Variants in RPH3A observed in about 807,000 individuals in gnomAD.
RPH3A encodes the protein rabphilin-3A.
A neutral mutation model predicts 102.2 loss-of-function variants in RPH3A; 48 were observed. The ratio of observed to expected loss-of-function variants is 0.47; its 90% confidence interval spans 0.37 to 0.60. RPH3A has a LOEUF of 0.60. Ranked by LOEUF, RPH3A falls within the 20% of genes least tolerant of loss-of-function variation. The probability of loss-of-function intolerance (pLI) is 0.00; values close to 1 mark genes in which losing one functional copy is unlikely to be tolerated. For synonymous variants in RPH3A, 310 were observed against 324.3 expected (o/e 0.96, Z 0.47); for missense variants, 781 against 910.1 (o/e 0.86, Z 1.83).
At chr12:112,756,164 T>C (rs1468400973) in intron 1 of RPH3A, among the ~76,000 whole-genome samples, 1 of 152,066 alleles carries the variant, frequency 6.6e-6, no homozygotes, top group Non-Finnish European at 1.5e-5. Flanking sequence ...TTACCCCTAT[T>C]TGGTCATTAC....
At position 112,876,555 on chromosome 12, in the gene RPH3A, A is replaced by G. The variant is rs1448879490; in HGVS notation, c.947-87A>G. 4.2e-6 allele frequency: 4 copies of G among 951,728 alleles called. No homozygotes were observed. In the African/African-American group the frequency reaches 6.7e-5, roughly 16 times the overall value. The allele number at this position is 951,728 out of a possible 1,614,324, so 59.0% of individuals were successfully genotyped here. A position where few individuals can be genotyped will look rare whatever the true frequency, so the allele number is the denominator to read the frequency against. On this transcript the variant is annotated intron_variant, in intron 12 of 21. Coordinates refer to ENST00000389385, the MANE Select transcript of RPH3A (RefSeq NM_001143854.2). The stretch of plus-strand genomic sequence containing the variant: ...TCCACTGATTCCGGGTGAAGCCAGG[A>G]ATCCGCATCTTTTGAAAATGTCCCT...
intron 17 of RPH3A, 30 bp from the exon 18 acceptor site, chr12:112,889,994 G>A (rs762254563): frequency 3.1e-6 from 5 of 1,607,914 alleles, no homozygotes; most frequent in Middle Eastern, 3.3e-4. Context: ...CATAGACAAT[G>A]TTATCTTTTA....
chr12:112,603,136 C>A (rs2039570644), intron 1 of RPH3A, among the ~76,000 whole-genome samples: 1 of 152,158 alleles, frequency 6.6e-6, no homozygotes, highest in Non-Finnish European at 1.5e-5. Flanking sequence ...GATTAGGATG[C>A]TCCTTTCCCC....
chr12:112,617,550 C>T (rs1443032524), intron 1 of RPH3A, among the ~76,000 whole-genome samples: 1 of 152,220 alleles, frequency 6.6e-6, no homozygotes, highest in African/African-American at 2.4e-5. Context: ...AAGTGAACAG[C>T]TGCTGTCCTC....
intron 2 of RPH3A, among the ~76,000 whole-genome samples, chr12:112,803,327 G>C (rs1258188689): frequency 2.0e-5 from 3 of 152,014 alleles, no homozygotes; most frequent in Admixed American, 6.5e-5. Context: ...CTCCCAGATG[G>C]AGAGAGGGAG....
At chr12:112,851,303 C>G (rs1193584566) in intron 5 of RPH3A, among the ~76,000 whole-genome samples, 1 of 152,110 alleles carries the variant, frequency 6.6e-6, no homozygotes. Flanking sequence ...GGCTGACTCT[C>G]GGAACTATGC....
intron 4 of RPH3A, among the ~76,000 whole-genome samples, chr12:112,842,353 T>C (rs1287080545): frequency 3.3e-5 from 5 of 152,230 alleles, no homozygotes; most frequent in Admixed American, 6.5e-5. Flanking sequence ...ACACTTTATA[T>C]ACATGGTCTA....
chr12:112,849,503 G>A (rs1029033197), intron 5 of RPH3A, among the ~76,000 whole-genome samples: 1 of 152,062 alleles, frequency 6.6e-6, no homozygotes, highest in African/African-American at 2.4e-5. Flanking sequence ...GGAAAGATAT[G>A]TATGTTAAAG....
At chr12:112,721,939 G>T (rs76933207) in intron 1 of RPH3A, among the ~76,000 whole-genome samples, 4,213 of 152,286 alleles carry the variant, frequency 0.028, 85 homozygotes, top group Non-Finnish European at 0.043. Flanking sequence ...AAGTAGAATA[G>T]AAATGGATTT....
chr12:112,868,648 G>T, intron 8 of RPH3A, 53 bp downstream of exon 8: 1 of 1,571,000 alleles, frequency 6.4e-7, no homozygotes, highest in South Asian at 1.2e-5. Context: ...TTAGCCAACT[G>T]GTCTACCTGA....
rs73427086 is a variant in RPH3A, at chr12:112,851,376, T to C, written c.230+3534T>C. On this transcript the variant is annotated intron_variant, in intron 5 of 21. Coordinates refer to ENST00000389385, the MANE Select transcript of RPH3A (RefSeq NM_001143854.2). ...GCAAATTCCTAGGCTCTGTAGAACA[T>C]GGAAATTTTAATTACTCAGGTTTGG... Among the ~76,000 whole-genome samples the C allele has an allele frequency of 4.8e-3, 724 of 152,258 alleles. 5 individuals are homozygous for C. The highest frequency in any genetic ancestry group is 0.017 in the African/African-American group (708 of 41,544).
chr12:112,753,928 G>T (rs1347448425), intron 1 of RPH3A, among the ~76,000 whole-genome samples: 1 of 152,186 alleles, frequency 6.6e-6, no homozygotes, highest in Non-Finnish European at 1.5e-5. Flanking sequence ...AGAGGCAGGA[G>T]GGTCAGAGTT....
At chr12:112,614,717 A>AG (rs1555278315) in intron 1 of RPH3A, among the ~76,000 whole-genome samples, 3 of 146,080 alleles carry the variant, frequency 2.1e-5, no homozygotes, top group Non-Finnish European at 4.5e-5. Context: ...AAAAAAAAAA[A>AG]GGAAGAAAAA....
At chr12:112,827,908 GGA>G (rs2041906992) in intron 2 of RPH3A, among the ~76,000 whole-genome samples, 6 of 71,540 alleles carry the variant, frequency 8.4e-5, no homozygotes, top group African/African-American at 3.7e-4. Context: ...AAAAAAAAAG[GGA>G]AAAAAAAAAG....
At chr12:112,759,523 G>A (rs7962418) in intron 1 of RPH3A, among the ~76,000 whole-genome samples, 12,137 of 152,222 alleles carry the variant, frequency 0.08, 1,275 homozygotes, top group African/African-American at 0.24. Context: ...GAGGACAGGA[G>A]AGTGAAGGAC....
intron 1 of RPH3A, among the ~76,000 whole-genome samples, chr12:112,655,563 CT>C (rs71086113): frequency 0.017 from 972 of 55,554 alleles, 2 homozygotes; most frequent in African/African-American, 0.049. Context: ...TTTTGTTGGT[CT>C]TTTTTTTTTT....
chr12:112,591,359 T>TGCAAGTGTGTGTGA (rs2039476870), intron 1 of RPH3A, among the ~76,000 whole-genome samples: 1 of 152,258 alleles, frequency 6.6e-6, no homozygotes, highest in African/African-American at 2.4e-5. Context: ...GTGCTGGGAT[T>TGCAAGTGTGTGTGA]GCAAGTGTGT....
At chr12:112,718,022 A>G (rs925734443) in intron 1 of RPH3A, 1 of 152,228 alleles carries the variant, frequency 6.6e-6, no homozygotes, top group Non-Finnish European at 1.5e-5. Flanking sequence ...TTCGTTCTAC[A>G]TAATTCAGCA....
chr12:112,846,763 G>T (rs778011765), intron 4 of RPH3A, among the ~76,000 whole-genome samples: 2 of 152,180 alleles, frequency 1.3e-5, no homozygotes, highest in Non-Finnish European at 2.9e-5. Context: ...ATGGACCATG[G>T]TGTTAGTGGA....
Sources: allele counts gnomAD v4.1 joint callset (sites outside exome capture counted in the v4.1 genomes callset), GRCh38; gene constraint gnomAD v4.1.1; transcripts MANE v1.5; gene names NCBI Gene and HGNC (gene_info 2026-07-23, HGNC 2026-07-21).